The following MACROD2 variants were observed in gnomAD, a reference collection of about 807,000 sequenced individuals.
MACROD2 encodes ADP-ribose glycohydrolase MACROD2.
MACROD2 carries 36 observed loss-of-function variants against 70.4 expected under a neutral mutation model. That is an observed-to-expected ratio of 0.51 (90% CI 0.39 to 0.68). The LOEUF (loss-of-function observed/expected upper bound fraction) is 0.68, where lower values mean the gene tolerates loss of function less well. Ranked by LOEUF, MACROD2 falls within the 30% of genes least tolerant of loss-of-function variation. The pLI is 0.00. For synonymous variants in MACROD2, 172 were observed against 178.8 expected, an observed-to-expected ratio of 0.96 and a Z score of 0.30; for missense variants, 496 against 538.4, an observed-to-expected ratio of 0.92 and a Z score of 0.78.
intron 5 of MACROD2, among the ~76,000 whole-genome samples, chr20:15,090,128 T>C (rs1480193987): frequency 6.6e-6 from 1 of 152,072 alleles, no homozygotes; most frequent in Non-Finnish European, 1.5e-5. Flanking sequence ...ATGTATAAAT[T>C]CTCAAAGATA....
chr20:14,282,092 A>T (rs1430470906), intron 3 of MACROD2, among the ~76,000 whole-genome samples: 1 of 152,128 alleles, frequency 6.6e-6, no homozygotes, highest in Non-Finnish European at 1.5e-5. Flanking sequence ...GTTTGGCTTC[A>T]TGAGAATAAT....
At chr20:15,751,558 A>G (rs1197892736) in intron 8 of MACROD2, among the ~76,000 whole-genome samples, 1 of 151,856 alleles carries the variant, frequency 6.6e-6, no homozygotes, top group Non-Finnish European at 1.5e-5. Flanking sequence ...GACAAAGACA[A>G]GAGATGCTTC....
intron 5 of MACROD2, among the ~76,000 whole-genome samples, chr20:15,072,581 T>C (rs371405937): frequency 6.6e-6 from 1 of 152,162 alleles, no homozygotes; most frequent in Non-Finnish European, 1.5e-5. Flanking sequence ...AGGCAGAATA[T>C]TACTTAGGTT....
At chr20:15,222,756 G>T (rs1413999183) in intron 5 of MACROD2, among the ~76,000 whole-genome samples, 1 of 152,158 alleles carries the variant, frequency 6.6e-6, no homozygotes, top group African/African-American at 2.4e-5. Context: ...TTCTCAAATG[G>T]AAAATGATGA....
intron 2 of MACROD2, among the ~76,000 whole-genome samples, chr20:14,082,625 A>G (rs1224727579): frequency 6.6e-6 from 1 of 152,194 alleles, no homozygotes; most frequent in Non-Finnish European, 1.5e-5. Flanking sequence ...ATGAAATAAT[A>G]CTTCTTAGAG....
chr20:15,690,614 T>A (rs1568976722), intron 8 of MACROD2, among the ~76,000 whole-genome samples: 1 of 152,086 alleles, frequency 6.6e-6, no homozygotes. Flanking sequence ...ACATAGAGAA[T>A]CCTTTCTTTT....
At chr20:15,364,635 T>C (rs903949142) in intron 6 of MACROD2, among the ~76,000 whole-genome samples, 1 of 152,232 alleles carries the variant, frequency 6.6e-6, no homozygotes, top group Non-Finnish European at 1.5e-5. Context: ...TTGTGAGTAA[T>C]GTGAATGGTC....
At chr20:14,828,646 A>G (rs780205591) in intron 5 of MACROD2, among the ~76,000 whole-genome samples, 7 of 152,180 alleles carry the variant, frequency 4.6e-5, no homozygotes, top group Non-Finnish European at 8.8e-5. Flanking sequence ...CTGTGAAGGA[A>G]TGTTACGTCA....
At chr20:14,466,153 C>T (rs1045876140) in intron 3 of MACROD2, among the ~76,000 whole-genome samples, 3 of 152,224 alleles carry the variant, frequency 2.0e-5, no homozygotes, top group East Asian at 1.9e-4. Context: ...CCATTCTCCC[C>T]GTCACTTTCA....
intron 3 of MACROD2, among the ~76,000 whole-genome samples, chr20:14,485,473 G>A (rs904508150): frequency 3.3e-5 from 5 of 151,998 alleles, no homozygotes; most frequent in Non-Finnish European, 4.4e-5. Flanking sequence ...AGGCTGAGGC[G>A]GGCGAATCAC....
At chr20:14,889,536 A>G (rs938641016) in intron 5 of MACROD2, among the ~76,000 whole-genome samples, 8 of 152,130 alleles carry the variant, frequency 5.3e-5, no homozygotes, top group Admixed American at 1.3e-4. Flanking sequence ...TAAAAGAGAT[A>G]AAGGAATGAA....
At chr20:14,881,981 A>G (rs1311798566) in intron 5 of MACROD2, among the ~76,000 whole-genome samples, 1 of 152,180 alleles carries the variant, frequency 6.6e-6, no homozygotes, top group Non-Finnish European at 1.5e-5. Context: ...CAGCAATTCT[A>G]AAAAGACAAT....
chr20:15,673,526 T>TA (rs1171114610), intron 8 of MACROD2, among the ~76,000 whole-genome samples: 34 of 152,302 alleles, frequency 2.2e-4, no homozygotes. Flanking sequence ...GAATCTCTAT[T>TA]AAAAAATTTT....
chr20:14,722,918 C>T (rs982611410), intron 5 of MACROD2, among the ~76,000 whole-genome samples: 2 of 152,050 alleles, frequency 1.3e-5, no homozygotes, highest in Admixed American at 6.6e-5. Context: ...AACATAAGAT[C>T]GTAAGAAATG....
At chr20:15,067,032 T>G (rs1474442111) in intron 5 of MACROD2, among the ~76,000 whole-genome samples, 1 of 152,198 alleles carries the variant, frequency 6.6e-6, no homozygotes, top group African/African-American at 2.4e-5. Context: ...GTAACCAGTT[T>G]GGCAGGCTGT....
At chr20:14,539,741 A>G (rs1238512560) in intron 4 of MACROD2, among the ~76,000 whole-genome samples, 1 of 152,212 alleles carries the variant, frequency 6.6e-6, no homozygotes, top group East Asian at 1.9e-4. Context: ...TAATGCTGCT[A>G]ATGTATAGAC....
chr20:14,768,073 A>G (rs951086090), intron 5 of MACROD2, among the ~76,000 whole-genome samples: 1 of 152,042 alleles, frequency 6.6e-6, no homozygotes, highest in Non-Finnish European at 1.5e-5. Flanking sequence ...AGTCTTTGCT[A>G]TTGTGAATAC....
chr20:15,539,043 T>G (rs1389280088), intron 8 of MACROD2, among the ~76,000 whole-genome samples: 1 of 152,242 alleles, frequency 6.6e-6, no homozygotes, highest in Non-Finnish European at 1.5e-5. Context: ...TTTAGTCACT[T>G]AAAACACATA....
chr20:15,010,678 G>A (rs890583607), intron 5 of MACROD2, among the ~76,000 whole-genome samples: 10 of 152,160 alleles, frequency 6.6e-5, no homozygotes, highest in Non-Finnish European at 1.0e-4. Context: ...CATACCCACC[G>A]TTTTTTATAT....
Sources: allele counts gnomAD v4.1 joint callset (sites outside exome capture counted in the v4.1 genomes callset), GRCh38; gene constraint gnomAD v4.1.1; transcripts MANE v1.5; gene names NCBI Gene and HGNC (gene_info 2026-07-23, HGNC 2026-07-21).